Variants in PCDHA2 observed in about 807,000 individuals in gnomAD.
PCDHA2 encodes protocadherin alpha 2, also known as protocadherin alpha-2.
In PCDHA2, 58 loss-of-function variants were observed where a neutral mutation model predicts 66.0. The ratio of observed to expected loss-of-function variants is 0.88; its 90% CI spans 0.71 to 1.09. The LOEUF (loss-of-function observed/expected upper bound fraction) is 1.09, where lower values mean the gene tolerates loss of function less well. PCDHA2 is among the 50% of genes least tolerant of loss of function. PCDHA2 has a pLI of 0.00. For missense variants in PCDHA2, 1,267 were observed against 1,242.3 expected (o/e 1.02, Z -0.30); for synonymous variants, 634 against 554.0 (o/e 1.14, Z -2.03).
At chr5:140,875,947 GA>G in intron 1 of PCDHA2, 1 of 1,614,184 alleles carries the variant, frequency 6.2e-7, no homozygotes, top group Non-Finnish European at 8.5e-7. Context: ...GGGCGCTTCT[GA>G]TGCGGATATC....
At chr5:140,963,244 T>G (rs934081934) in intron 1 of PCDHA2, among the ~76,000 whole-genome samples, 6 of 152,104 alleles carry the variant, frequency 3.9e-5, no homozygotes, top group Admixed American at 3.3e-4. Flanking sequence ...ATGGATTAGG[T>G]AGGTTTTCAT....
intron 1 of PCDHA2, chr5:140,807,432 G>A (rs1554124011): frequency 1.3e-6 from 2 of 1,599,340 alleles, no homozygotes; most frequent in African/African-American, 1.4e-5. Context: ...CTGCAGAATG[G>A]CATTTTGTTT....
intron 3 of PCDHA2, among the ~76,000 whole-genome samples, chr5:141,001,096 A>T (rs919555319): frequency 1.3e-5 from 2 of 152,130 alleles, no homozygotes; most frequent in Admixed American, 1.3e-4. Flanking sequence ...AAACTGTCTA[A>T]TCCATAATAA....
At position 140,835,736 on chromosome 5, in the gene PCDHA2, C is replaced by T. The variant is rs2150243450; in HGVS notation, c.2388+38384C>T. ...TGGAGGTGGCCGACGTGAACGACAACGCCCCGGCGTTCGCGCAGCCCGAGT... is the reference window on the plus strand; with the variant it reads ...TGGAGGTGGCCGACGTGAACGACAATGCCCCGGCGTTCGCGCAGCCCGAGT... On this transcript the variant is annotated intron_variant, in intron 1 of 3. Coordinates refer to ENST00000526136, the MANE Select transcript of PCDHA2 (RefSeq NM_018905.3). 7.4e-6 allele frequency: 12 copies of T among 1,613,586 alleles called. No individual in the cohort carries two copies. The African/African-American group carries it at 8.0e-5, about 11-fold the overall frequency.
intron 1 of PCDHA2, among the ~76,000 whole-genome samples, chr5:140,965,863 A>T (rs1275095146): frequency 6.6e-6 from 1 of 152,218 alleles, no homozygotes; most frequent in Non-Finnish European, 1.5e-5. Flanking sequence ...ACTGAAAATA[A>T]GGGCCACTTG....
chr5:140,895,670 G>A (rs551602030), intron 1 of PCDHA2, among the ~76,000 whole-genome samples: 2 of 152,132 alleles, frequency 1.3e-5, no homozygotes, highest in African/African-American at 2.4e-5. Context: ...AGAACATGTA[G>A]TATTTGGTTT....
intron 1 of PCDHA2, chr5:140,876,718 G>T (rs1554168825): frequency 1.9e-6 from 3 of 1,614,124 alleles, no homozygotes; most frequent in African/African-American, 1.3e-5. Flanking sequence ...CCTGGACCGC[G>T]AGAGCGTGTC....
intron 3 of PCDHA2, among the ~76,000 whole-genome samples, chr5:140,984,861 C>T (rs1163314869): frequency 6.6e-6 from 1 of 151,870 alleles, no homozygotes; most frequent in Non-Finnish European, 1.5e-5. Flanking sequence ...ATAATAACAC[C>T]TATTTTATTG....
At chr5:141,007,804 A>G (rs966389410) in intron 3 of PCDHA2, among the ~76,000 whole-genome samples, 1 of 152,204 alleles carries the variant, frequency 6.6e-6, no homozygotes, top group Non-Finnish European at 1.5e-5. Context: ...TTTATCTGCC[A>G]TTCATTTGCC....
chr5:140,976,781 T>C (rs1238344428), intron 1 of PCDHA2, among the ~76,000 whole-genome samples: 26 of 152,206 alleles, frequency 1.7e-4, no homozygotes, highest in Admixed American at 1.6e-3. Flanking sequence ...TCTGACTATA[T>C]AGCTACGCTT....
intron 2 of PCDHA2, among the ~76,000 whole-genome samples, chr5:140,979,752 G>A (rs1048851264): frequency 4.6e-5 from 7 of 152,138 alleles, no homozygotes; most frequent in South Asian, 2.1e-4. Context: ...CATTATTTGC[G>A]AATGTCTTTG....
chr5:140,870,987 C>T (rs782771467), intron 1 of PCDHA2: 51 of 1,613,334 alleles, frequency 3.2e-5, no homozygotes, highest in Non-Finnish European at 4.1e-5. Context: ...TGTACACGGG[C>T]GAGATAAGCA....
At chr5:140,989,802 G>C (rs2153885493) in intron 3 of PCDHA2, among the ~76,000 whole-genome samples, 2 of 152,336 alleles carry the variant, frequency 1.3e-5, no homozygotes, top group South Asian at 4.1e-4. Flanking sequence ...CCAGGAAAGG[G>C]CCATAAGATT....
chr5:140,807,699 G>A (rs1267301172), intron 1 of PCDHA2: 1 of 1,614,214 alleles, frequency 6.2e-7, no homozygotes, highest in East Asian at 2.2e-5. Context: ...CTCACTTACA[G>A]ACTGAGCCCA....
At chr5:140,834,529 C>T (rs2150220403) in intron 1 of PCDHA2, 3 of 1,614,054 alleles carry the variant, frequency 1.9e-6, no homozygotes, top group Non-Finnish European at 2.5e-6. Context: ...GGCCGCATCG[C>T]GCAGGACCTG....
intron 1 of PCDHA2, chr5:140,823,705 CA>C: frequency 1.2e-6 from 2 of 1,613,974 alleles, no homozygotes; most frequent in Non-Finnish European, 1.7e-6. Context: ...AGCACCGCGC[CA>C]CCGCCTTCTG....
At chr5:140,864,409 G>C (rs1354025134) in intron 1 of PCDHA2, 3 of 152,230 alleles carry the variant, frequency 2.0e-5, no homozygotes, top group Non-Finnish European at 4.4e-5. Context: ...GAGCAGGGTT[G>C]AGGCAGCTTC....
At chr5:140,843,069 G>T in intron 1 of PCDHA2, 1 of 1,595,314 alleles carries the variant, frequency 6.3e-7, no homozygotes, top group South Asian at 1.1e-5. Flanking sequence ...CTGGTGCCGC[G>T]GTCTGTGGGC....
At chr5:140,919,510 T>G (rs750733245) in intron 1 of PCDHA2, among the ~76,000 whole-genome samples, 2 of 152,208 alleles carry the variant, frequency 1.3e-5, no homozygotes, top group Non-Finnish European at 2.9e-5. Context: ...TTTTTCTATA[T>G]GTTTTAATTC....
Sources: gnomAD v4.1 joint callset for allele counts (sites outside exome capture counted in the v4.1 genomes callset) on GRCh38, gnomAD v4.1.1 for gene constraint, MANE v1.5 for transcripts, NCBI Gene and HGNC (gene_info 2026-07-23, HGNC 2026-07-21) for gene names.